WAPL: variants seen among roughly 807,000 people sequenced by gnomAD.
The protein encoded by WAPL is wings apart-like protein homolog.
Under a neutral mutation model 121.0 loss-of-function variants are expected in WAPL, and 5 were observed. That is an observed-to-expected ratio of 0.04 (90% CI 0.02 to 0.09). WAPL has a LOEUF of 0.09. WAPL is among the 10% of genes least tolerant of loss of function. WAPL has a pLI of 1.00. For synonymous variants in WAPL, 480 were observed against 481.5 expected, an observed-to-expected ratio of 1.00 and a Z score of 0.04; for missense variants, 999 against 1,410.8, an observed-to-expected ratio of 0.71 and a Z score of 4.68.
At chr10:86,497,049 T>A (rs1473505960) in intron 4 of WAPL, 152 bp downstream of exon 4, 20 of 616,626 alleles carry the variant, frequency 3.2e-5, no homozygotes, top group East Asian at 3.0e-4. Context: ...TACAATTTTT[T>A]AAAAAATGGT....
intron 4 of WAPL, among the ~76,000 whole-genome samples, chr10:86,495,390 C>T (rs561418245): frequency 6.6e-6 from 1 of 151,934 alleles, no homozygotes; most frequent in South Asian, 2.1e-4. Flanking sequence ...CACCTGAGCC[C>T]GAGGACGTCA....
At chr10:86,438,110 A>C in intron 17 of WAPL, 95 bp from the exon 18 acceptor site, 2 of 846,330 alleles carry the variant, frequency 2.4e-6, no homozygotes, top group South Asian at 1.7e-5. Context: ...ATCTTGGTGC[A>C]AATTTTTAAG....
rs1841559448 is a variant in WAPL, at chr10:86,472,663, C to G, written c.1842G>C (p.Gln614His). The G allele has an allele frequency of 1.2e-6, 2 of 1,613,756 alleles. No individual in the cohort carries two copies. Residue 614 changes from glutamine (Q) to histidine (H), a missense_variant, in exon 6 of 19, where the codon CAG becomes CAC. Physicochemically the swap from Gln to His is conservative, Grantham distance 24 (BLOSUM62 0). Around this residue, in one of 7 missense-constraint regions of WAPL, gnomAD observed 74 missense variants for 115.1 expected, o/e 0.64. Transcript: ENST00000298767. The surrounding 1 kb of genome is among the most constrained non-coding windows in gnomAD (Gnocchi z 4.2). ...GTGCAGTAACTATATCTTGGTAGGG[C>G]TGAGTAGGTATTGTCACAGTTTTTA... ...KVIKTVTIPT[Q>H]PYQDIVTALK...
intron 8 of WAPL, among the ~76,000 whole-genome samples, chr10:86,469,716 T>C (rs1841491735): frequency 6.6e-6 from 1 of 152,182 alleles, no homozygotes; most frequent in African/African-American, 2.4e-5. Context: ...GATTTAAACT[T>C]TGAGCCCCCA....
chr10:86,482,728 GTAATAGATTATAAACCATT>G (rs1019184191), intron 4 of WAPL, among the ~76,000 whole-genome samples: 1 of 152,100 alleles, frequency 6.6e-6, no homozygotes, highest in African/African-American at 2.4e-5. Context: ...ATTAAATACA[GTAATAGATTATAAACCATT>G]TGGGAAAAAG....
At chr10:86,439,860 G>C (rs750209649) in intron 17 of WAPL, among the ~76,000 whole-genome samples, 2 of 152,230 alleles carry the variant, frequency 1.3e-5, no homozygotes, top group African/African-American at 2.4e-5. Context: ...TGCAAAGTGA[G>C]AAGACATGGA....
intron 4 of WAPL, among the ~76,000 whole-genome samples, chr10:86,485,230 A>G (rs1380443060): frequency 6.6e-6 from 1 of 152,028 alleles, no homozygotes; most frequent in East Asian, 1.9e-4. Flanking sequence ...TTCAAACTTT[A>G]AAGGCACCTA....
At chr10:86,489,704 T>C (rs1300834803) in intron 4 of WAPL, among the ~76,000 whole-genome samples, 3 of 151,994 alleles carry the variant, frequency 2.0e-5, no homozygotes, top group Non-Finnish European at 1.5e-5. Flanking sequence ...ATATCAATAG[T>C]GCTCAGGCTG....
intron 12 of WAPL, among the ~76,000 whole-genome samples, chr10:86,455,085 G>A (rs868138207): frequency 3.4e-5 from 5 of 146,460 alleles, no homozygotes; most frequent in South Asian, 2.2e-4. Flanking sequence ...GCCCCCGCCC[G>A]GCAGCCGCCC....
chr10:86,452,274 G>A lies in WAPL; in HGVS notation c.2950-143C>T, dbSNP rs1256019415. ...AAAATGGCTAAAAACCAGTATGAAA[G>A]GCCAAAAAGAAAAAAAGAAAAAAAA... On this transcript the variant is annotated intron_variant, in intron 14 of 18. Coordinates refer to ENST00000298767, the MANE Select transcript of WAPL (RefSeq NM_015045.5). 6 of 675,996 alleles carry A rather than the reference G, an allele frequency of 8.9e-6. No individual in the cohort carries two copies. The African/African-American group carries it at 1.1e-4, about 12-fold the overall frequency. The allele number at this position is 675,996 out of a possible 1,614,324, so 41.9% of individuals were successfully genotyped here. A position where few individuals can be genotyped will look rare whatever the true frequency, so the allele number is the denominator to read the frequency against.
intron 4 of WAPL, among the ~76,000 whole-genome samples, chr10:86,479,154 G>A (rs1219037931): frequency 6.6e-6 from 1 of 151,962 alleles, no homozygotes; most frequent in Non-Finnish European, 1.5e-5. Flanking sequence ...ACAGAGGAAA[G>A]AAAGCATTCC....
intron 17 of WAPL, among the ~76,000 whole-genome samples, chr10:86,438,271 TA>T (rs1554825065): frequency 2.0e-5 from 3 of 148,312 alleles, no homozygotes; most frequent in Non-Finnish European, 4.5e-5. Context: ...TTTTTTTTTT[TA>T]AATGAAACAG....
rs755016186 is a variant in WAPL at position 86,500,468 on chromosome 10, G to A, written c.775C>T (p.Pro259Ser). 4 of 1,614,046 alleles carry A rather than the reference G, an allele frequency of 2.5e-6. No individual in the cohort carries two copies. Among genetic ancestry groups the A allele is most frequent in the Non-Finnish European group, 2.5e-6 (3 of 1,180,038 alleles). Residue 259 changes from proline (P) to serine (S), a missense_variant, in exon 3 of 19, where the codon CCC becomes TCC. Transcript: ENST00000298767. ...TCGTCATCCTTCATCTCCAAAAGGGGATCACTATCCAAACTTAAAATACAG... is the reference window on the plus strand; with the variant it reads ...TCGTCATCCTTCATCTCCAAAAGGGAATCACTATCCAAACTTAAAATACAG... ...EDCILSLDSD[P>S]LLEMKDDDFK...
At chr10:86,474,423 G>A (rs1208822894) in intron 4 of WAPL, among the ~76,000 whole-genome samples, 1 of 151,132 alleles carries the variant, frequency 6.6e-6, no homozygotes. Context: ...GCTGAGGCAG[G>A]AGAATCACCT....
intron 2 of WAPL, among the ~76,000 whole-genome samples, chr10:86,506,413 T>C (rs557693279): frequency 9.6e-4 from 146 of 152,364 alleles, no homozygotes; most frequent in Non-Finnish European, 1.6e-3. Context: ...TGGTTTTCTG[T>C]TTTATTTTAC....
chr10:86,485,928 C>T (rs939605995), intron 4 of WAPL, among the ~76,000 whole-genome samples: 16 of 152,212 alleles, frequency 1.1e-4, no homozygotes, highest in Admixed American at 8.5e-4. Flanking sequence ...CTAAAACCGA[C>T]TCCCTCTCTT....
rs781239660 is a variant in WAPL, at chr10:86,500,689, T to C, written c.554A>G (p.Lys185Arg). The change falls in exon 3 of 19, where the codon AAA becomes AGA. Residue 185 changes from lysine to arginine, a missense_variant. Around this residue, in one of 7 missense-constraint regions of WAPL, gnomAD observed 531 missense variants for 563.1 expected, o/e 0.94. Transcript: ENST00000298767. ...TTTCTTAGTACTGTCATCAGCATTT[T>C]TGTGAATATGGTGACTATTCTTTTC... ...EHEKNSHHIH[K>R]NADDSTKKPN... 5.6e-6 allele frequency: 9 copies of C among 1,600,720 alleles called. No individual in the cohort carries two copies. The East Asian group carries it at 1.6e-4, about 28-fold the overall frequency.
In WAPL at chr10:86,480,179, C is replaced by T. The variant is rs1841750447; in HGVS notation, c.1645-6206G>A. 2.0e-5 allele frequency among the ~76,000 whole-genome samples: 3 copies of T among 152,196 alleles called. No individual in the cohort carries two copies. The South Asian group carries it at 6.2e-4, about 32-fold the overall frequency. ...GAAGAAATAAAGCTGCAAAGTCTTT[C>T]TTCTCTGCCCGAATCAACTGCATAC... On this transcript the variant is annotated intron_variant, in intron 4 of 18. Transcript: ENST00000298767.
intron 1 of WAPL, among the ~76,000 whole-genome samples, chr10:86,520,766 TAAAAAAAAAAAAAA>T (rs10574217): frequency 2.0e-5 from 2 of 98,100 alleles, no homozygotes; most frequent in South Asian, 7.7e-4. Flanking sequence ...CGCTGTGATT[TAAAAAAAAAAAAAA>T]AAAAAAAAAA....
Sources: allele counts gnomAD v4.1 joint callset (sites outside exome capture counted in the v4.1 genomes callset), GRCh38; gene constraint gnomAD v4.1.1; regional missense constraint gnomAD v4.1.1; non-coding constraint Gnocchi (gnomAD v3.1); transcripts MANE v1.5; gene names NCBI Gene and HGNC (gene_info 2026-07-23, HGNC 2026-07-21).